The following ADAMTS3 variants were observed in gnomAD, a reference collection of about 807,000 sequenced individuals.
ADAMTS3 encodes ADAM metallopeptidase with thrombospondin type 1 motif 3, also known as A disintegrin and metalloproteinase with thrombospondin motifs 3.
A neutral mutation model predicts 129.0 loss-of-function variants in ADAMTS3; 73 were observed. The ratio of observed to expected loss-of-function variants is 0.57; its 90% CI spans 0.47 to 0.69. The LOEUF (loss-of-function observed/expected upper bound fraction) is 0.69, where lower values mean the gene tolerates loss of function less well. Among genes scored for constraint, ADAMTS3 ranks in the 30% least tolerant of loss-of-function variants. The pLI is 0.00. For synonymous variants in ADAMTS3, 477 were observed against 510.8 expected (o/e 0.93, Z 0.89); for missense variants, 1,457 against 1,514.5 (o/e 0.96, Z 0.63).
intron 3 of ADAMTS3, among the ~76,000 whole-genome samples, chr4:72,444,001 T>C (rs563852704): frequency 6.6e-6 from 1 of 151,706 alleles, no homozygotes; most frequent in Non-Finnish European, 1.5e-5. Flanking sequence ...CCATAGTGAA[T>C]AGCCATTGTT....
intron 4 of ADAMTS3, among the ~76,000 whole-genome samples, chr4:72,369,214 AT>A (rs1404428502): frequency 6.6e-6 from 1 of 152,186 alleles, no homozygotes; most frequent in East Asian, 1.9e-4. Flanking sequence ...TCAATGTCCT[AT>A]TTTTATAAAT....
chr4:72,405,750 G>C (rs138297824), intron 4 of ADAMTS3, among the ~76,000 whole-genome samples: 265 of 152,230 alleles, frequency 1.7e-3, no homozygotes, highest in African/African-American at 6.0e-3. Context: ...GACAATGGTT[G>C]TAATTTCTTC....
chr4:72,319,881 T>C lies in ADAMTS3; in HGVS notation c.1185A>G (p.Val395=), dbSNP rs571664777. ...NHEDGFSSAF[V]VAHETGHVLG... is the part of the protein sequence containing the mutation. ...ACACATGGCCCGTTTCATGGGCTACTACAAAAGCAGATGAAAAACCATCCT... is the reference window on the plus strand; with the variant it reads ...ACACATGGCCCGTTTCATGGGCTACCACAAAAGCAGATGAAAAACCATCCT... The change falls in exon 8 of 22, where the codon GTA becomes GTG. Residue 395 remains valine, a synonymous_variant. Coordinates refer to ENST00000286657, the MANE Select transcript of ADAMTS3 (RefSeq NM_014243.3). The C allele has an allele frequency of 1.9e-6, 3 of 1,613,874 alleles. No individual in the cohort carries two copies. Among genetic ancestry groups the C allele is most frequent in the South Asian group, 2.2e-5 (2 of 91,086 alleles).
At chr4:72,300,457 G>A (rs1478790053) in intron 17 of ADAMTS3, among the ~76,000 whole-genome samples, 1 of 152,108 alleles carries the variant, frequency 6.6e-6, no homozygotes, top group Non-Finnish European at 1.5e-5. Context: ...ATGAAATACA[G>A]CTTCTGGCCT....
At chr4:72,553,589 T>C (rs540707480) in intron 2 of ADAMTS3, among the ~76,000 whole-genome samples, 2 of 152,260 alleles carry the variant, frequency 1.3e-5, no homozygotes, top group East Asian at 3.9e-4. Context: ...CTCTGAGCAC[T>C]CCAGGCTGCT....
chr4:72,397,562 T>TACACACACACACACACAC (rs35076637), intron 4 of ADAMTS3, among the ~76,000 whole-genome samples: 42 of 147,474 alleles, frequency 2.8e-4, no homozygotes, highest in Admixed American at 3.4e-4. Flanking sequence ...GAGACTCTAT[T>TACACACACACACACACAC]ACACACACAC....
intron 3 of ADAMTS3, among the ~76,000 whole-genome samples, chr4:72,496,054 C>A (rs1421084894): frequency 1.3e-5 from 2 of 152,060 alleles, no homozygotes; most frequent in African/African-American, 4.8e-5. Context: ...TCCATTTAAT[C>A]TTTTGAAATG....
At chr4:72,514,721 C>G (rs1055583238) in intron 3 of ADAMTS3, among the ~76,000 whole-genome samples, 4 of 152,080 alleles carry the variant, frequency 2.6e-5, no homozygotes, top group Non-Finnish European at 5.9e-5. Flanking sequence ...TAGCTTCTTA[C>G]ACACAGACAA....
intron 4 of ADAMTS3, among the ~76,000 whole-genome samples, chr4:72,398,791 A>T (rs1560500722): frequency 6.6e-6 from 1 of 151,962 alleles, no homozygotes; most frequent in Non-Finnish European, 1.5e-5. Flanking sequence ...AATCTGGAGG[A>T]CCCCACAAAC....
At chr4:72,533,617 A>G (rs1372541165) in intron 3 of ADAMTS3, among the ~76,000 whole-genome samples, 2 of 151,992 alleles carry the variant, frequency 1.3e-5, no homozygotes, top group Non-Finnish European at 2.9e-5. Flanking sequence ...ACATATGTAT[A>G]TATACATATA....
chr4:72,374,815 A>T (rs538092060), intron 4 of ADAMTS3, among the ~76,000 whole-genome samples: 1 of 152,302 alleles, frequency 6.6e-6, no homozygotes, highest in Admixed American at 6.5e-5. Context: ...TAGCAAAGAA[A>T]TACTCTTAAC....
At chr4:72,428,075 A>G (rs1308869093) in intron 3 of ADAMTS3, among the ~76,000 whole-genome samples, 2 of 152,012 alleles carry the variant, frequency 1.3e-5, no homozygotes. Context: ...TGGCTTACCC[A>G]TCGCTATTGT....
At chr4:72,361,354 T>C (rs1440560573) in intron 4 of ADAMTS3, among the ~76,000 whole-genome samples, 3 of 151,864 alleles carry the variant, frequency 2.0e-5, no homozygotes, top group Non-Finnish European at 4.4e-5. Flanking sequence ...CACATACTCA[T>C]AATATGTCTT....
chr4:72,502,435 G>C (rs1720050364), intron 3 of ADAMTS3, among the ~76,000 whole-genome samples: 1 of 152,004 alleles, frequency 6.6e-6, no homozygotes, highest in Non-Finnish European at 1.5e-5. Flanking sequence ...AGAATCATTT[G>C]TATTCCTGTG....
intron 3 of ADAMTS3, among the ~76,000 whole-genome samples, chr4:72,453,852 A>C (rs923700618): frequency 6.6e-6 from 1 of 150,656 alleles, no homozygotes; most frequent in Non-Finnish European, 1.5e-5. Context: ...AAAGCAGGAG[A>C]GGCTCCCCTC....
chr4:72,517,319 A>C (rs1189597861), intron 3 of ADAMTS3, among the ~76,000 whole-genome samples: 19 of 152,150 alleles, frequency 1.2e-4, no homozygotes, highest in Admixed American at 7.9e-4. Context: ...TGTCTCTGCC[A>C]GGCTTTGGTA....
Position 72,319,434 on chromosome 4 carries a change from T to A in ADAMTS3, c.1250A>T (p.Asp417Val). Residue 417 changes from aspartate (D) to valine (V), a missense_variant, in exon 9 of 22, where the codon GAT becomes GTT. Asp to Val is a radical substitution (Grantham distance 152, BLOSUM62 -3). Transcript: ENST00000286657. Reference protein sequence around the residue: ...EHDGQGNRCGDETAMGSVMAP... With the variant: ...EHDGQGNRCGVETAMGSVMAP... ...CATGACACTTCCCATAGCAGTCTCA[T>A]CACCACACCTGTTGCCTTGTCCATC... The A allele has an allele frequency of 6.2e-7, 1 of 1,613,946 alleles. No homozygotes were observed.
At chr4:72,563,939 G>C (rs1011643303) in intron 2 of ADAMTS3, among the ~76,000 whole-genome samples, 2 of 152,130 alleles carry the variant, frequency 1.3e-5, no homozygotes, top group African/African-American at 4.8e-5. Context: ...ATGTTTACTG[G>C]TCAATAACTA....
intron 3 of ADAMTS3, among the ~76,000 whole-genome samples, chr4:72,517,977 G>A (rs1177212016): frequency 3.2e-4 from 48 of 151,320 alleles, no homozygotes; most frequent in South Asian, 1.5e-3. Context: ...GGCATTTAGT[G>A]CTATAAATTT....
Sources: allele counts gnomAD v4.1 joint callset (sites outside exome capture counted in the v4.1 genomes callset), GRCh38; gene constraint gnomAD v4.1.1; transcripts MANE v1.5; gene names NCBI Gene and HGNC (gene_info 2026-07-23, HGNC 2026-07-21).